Variants in PDE11A observed in about 807,000 individuals in gnomAD.
PDE11A encodes phosphodiesterase 11A, also known as dual 3',5'-cyclic-AMP and -GMP phosphodiesterase 11A.
PDE11A carries 100 observed loss-of-function variants against 100.5 expected under a neutral mutation model. That is an observed-to-expected ratio of 1.00 (90% CI 0.85 to 1.18). The LOEUF (loss-of-function observed/expected upper bound fraction) is 1.18, where lower values mean the gene tolerates loss of function less well. Among genes scored for constraint, PDE11A ranks in the 50% most tolerant of loss-of-function variants. PDE11A has a pLI of 0.00. For missense variants in PDE11A, 1,141 were observed against 1,152.6 expected, an observed-to-expected ratio of 0.99 and a Z score of 0.15; for synonymous variants, 381 against 420.8, an observed-to-expected ratio of 0.91 and a Z score of 1.16.
chr2:178,101,536 C>T (rs2087558866), intron 2 of PDE11A, among the ~76,000 whole-genome samples: 1 of 152,146 alleles, frequency 6.6e-6, no homozygotes, highest in Admixed American at 6.5e-5. Flanking sequence ...CTTTCTGTTC[C>T]CAGAGGTCAG....
intron 2 of PDE11A, among the ~76,000 whole-genome samples, chr2:177,969,729 T>G (rs1435365667): frequency 6.6e-6 from 1 of 152,214 alleles, no homozygotes; most frequent in African/African-American, 2.4e-5. Flanking sequence ...GCCAATCTTG[T>G]ATTTACAAGA....
intron 5 of PDE11A, 21 bp from the exon 6 acceptor site, chr2:177,840,404 G>A (rs766288913): frequency 9.3e-6 from 15 of 1,611,788 alleles, no homozygotes; most frequent in Non-Finnish European, 1.3e-5. Flanking sequence ...ACCAAGGTAG[G>A]CAGGAAGAAA....
At chr2:177,969,837 A>G (rs920650397) in intron 2 of PDE11A, among the ~76,000 whole-genome samples, 1 of 152,176 alleles carries the variant, frequency 6.6e-6, no homozygotes, top group Non-Finnish European at 1.5e-5. Flanking sequence ...ATTTCCAAGT[A>G]AATATTTTTG....
At chr2:177,784,938 C>T (rs559019510) in intron 9 of PDE11A, among the ~76,000 whole-genome samples, 18 of 152,288 alleles carry the variant, frequency 1.2e-4, no homozygotes, top group African/African-American at 2.4e-4. Flanking sequence ...TCTGTTTATA[C>T]GGATTAACTG....
intron 2 of PDE11A, among the ~76,000 whole-genome samples, chr2:178,078,839 G>A (rs996859360): frequency 1.1e-4 from 17 of 152,104 alleles, no homozygotes; most frequent in Non-Finnish European, 1.9e-4. Flanking sequence ...AATCAAGATT[G>A]TTGAGTTAAG....
At chr2:177,921,092 CTT>C (rs58365596) in intron 2 of PDE11A, among the ~76,000 whole-genome samples, 12,188 of 138,104 alleles carry the variant, frequency 0.088, 493 homozygotes, top group South Asian at 0.11. Context: ...TCAAAAATAA[CTT>C]TTTTTTTTTT....
rs1025737198 is a variant in PDE11A, at chr2:177,711,819, G to A, written c.2103C>T (p.Cys701=). ...CCCTGTGGTCGAGGTCATGACACAG[G>A]CATCCCACAATCACCGCTAAAATTT... is the stretch of plus-strand genomic sequence containing the variant. ...EVEILAVIVG[C]LCHDLDHRGT... Residue 701 remains cysteine, a synonymous_variant, in exon 13 of 20, where the codon TGC becomes TGT. Coordinates refer to ENST00000286063, the MANE Select transcript of PDE11A (RefSeq NM_016953.4). The A allele has an allele frequency of 6.2e-7, 1 of 1,612,222 alleles. No homozygotes were observed. Among genetic ancestry groups the A allele is most frequent in the Admixed American group, 1.7e-5 (1 of 60,014 alleles).
At chr2:177,932,128 C>T (rs1421657431) in intron 2 of PDE11A, among the ~76,000 whole-genome samples, 1 of 151,980 alleles carries the variant, frequency 6.6e-6, no homozygotes, top group Non-Finnish European at 1.5e-5. Flanking sequence ...AATTGAAACA[C>T]AAAACAGACC....
rs544975407 is a variant in PDE11A at position 177,943,484 on chromosome 2, T to C, written c.1072-38297A>G. ...TTTTCATTCCTTTAATGATAAATGA[T>C]GTTGAGCATCTTTCCACATATGCTT... On this transcript the variant is annotated intron_variant, in intron 2 of 19. Transcript: ENST00000286063. Among the ~76,000 whole-genome samples, 411 of 152,362 alleles carry C rather than the reference T, an allele frequency of 2.7e-3. 4 individuals are homozygous for C. The highest frequency in any genetic ancestry group is 0.023 in the South Asian group (109 of 4,832).
At chr2:178,004,892 G>T (rs1301831903) in intron 2 of PDE11A, among the ~76,000 whole-genome samples, 2 of 152,016 alleles carry the variant, frequency 1.3e-5, no homozygotes, top group African/African-American at 4.8e-5. Context: ...TCAGGGGATG[G>T]CAAACTGAAA....
intron 16 of PDE11A, among the ~76,000 whole-genome samples, chr2:177,679,999 G>C (rs1453088547): frequency 6.6e-6 from 1 of 152,098 alleles, no homozygotes; most frequent in Non-Finnish European, 1.5e-5. Context: ...GGTGACATGA[G>C]GACAGCTACA....
rs1440507060 is a variant in PDE11A at position 177,949,133 on chromosome 2, A to G, written c.1072-43946T>C. ...GGTGCCGTACTCTTTAAGAATGCCA[A>G]ATTTCAGTCTCATTCCTGCCCCATT... On this transcript the variant is annotated intron_variant, in intron 2 of 19. Coordinates refer to ENST00000286063, the MANE Select transcript of PDE11A (RefSeq NM_016953.4). Among the ~76,000 whole-genome samples, 5 of 152,256 alleles carry G rather than the reference A, an allele frequency of 3.3e-5. No homozygotes were observed. In the Middle Eastern group the frequency reaches 0.01, roughly 311 times the overall value.
At position 177,685,691 on chromosome 2, in the gene PDE11A, C is replaced by G. The variant is rs574104576; in HGVS notation, c.2346-4788G>C. Among the ~76,000 whole-genome samples the G allele has an allele frequency of 2.0e-4, 31 of 152,156 alleles. 1 individual carries two copies. In the East Asian group the frequency reaches 6.0e-3, roughly 29 times the overall value. ...TCAAGCGATTCTCTGCCTCAGCCTC[C>G]CAAGTAGCTGGGATTACAGGCATGC... On this transcript the variant is annotated intron_variant, in intron 15 of 19. Transcript: ENST00000286063.
At chr2:177,989,247 A>G (rs1411163555) in intron 2 of PDE11A, among the ~76,000 whole-genome samples, 1 of 152,234 alleles carries the variant, frequency 6.6e-6, no homozygotes, top group Non-Finnish European at 1.5e-5. Flanking sequence ...AAGATAAGCA[A>G]TTCACTAGAG....
chr2:178,034,326 T>A (rs892343738), intron 1 of PDE11A, among the ~76,000 whole-genome samples: 21 of 152,162 alleles, frequency 1.4e-4, no homozygotes, highest in Non-Finnish European at 2.6e-4. Flanking sequence ...AAAAGCTACC[T>A]ATCCTAAATA....
At chr2:178,079,324 T>C (rs1041253414) in intron 2 of PDE11A, among the ~76,000 whole-genome samples, 1 of 151,966 alleles carries the variant, frequency 6.6e-6, no homozygotes, top group South Asian at 2.1e-4. Flanking sequence ...GTGTATGTTG[T>C]TCCCCACCTC....
In PDE11A at chr2:177,992,502, C is replaced by T. The variant is rs566162922; in HGVS notation, c.1071+21800G>A. ...GCTATTTGCCTCTTCAGTAAGTATC[C>T]GCCTCCTACCTATTCTTAATCCATT... On this transcript the variant is annotated intron_variant, in intron 2 of 19. Coordinates refer to ENST00000286063, the MANE Select transcript of PDE11A (RefSeq NM_016953.4). Among the ~76,000 whole-genome samples, 25 of 152,188 alleles carry T rather than the reference C, an allele frequency of 1.6e-4. 3 individuals are homozygous for T. In the South Asian group the frequency reaches 4.8e-3, roughly 29 times the overall value.
chr2:178,103,191 GA>G (rs2087581063), intron 2 of PDE11A, among the ~76,000 whole-genome samples: 1 of 150,550 alleles, frequency 6.6e-6, no homozygotes, highest in Non-Finnish European at 1.5e-5. Context: ...AGTGGGGGGG[GA>G]AGGAATGAAG....
rs2084896769 is a variant in PDE11A at position 177,912,503 on chromosome 2, T to G, written c.1072-7316A>C. Among the ~76,000 whole-genome samples, 4 of 152,276 alleles carry G rather than the reference T, an allele frequency of 2.6e-5. No individual in the cohort carries two copies. In the South Asian group the frequency reaches 8.3e-4, roughly 32 times the overall value. The stretch of plus-strand genomic sequence containing the variant: ...ATCATGCAGGTACTACTCATATCAC[T>G]CAATAACCTTATTTCTATTTGGTCC... On this transcript the variant is annotated intron_variant, in intron 2 of 19. Transcript: ENST00000286063.
Sources: gnomAD v4.1 joint callset for allele counts (sites outside exome capture counted in the v4.1 genomes callset) on GRCh38, gnomAD v4.1.1 for gene constraint, MANE v1.5 for transcripts, NCBI Gene and HGNC (gene_info 2026-07-23, HGNC 2026-07-21) for gene names.